The following CRPPA variants were observed in gnomAD, a reference collection of about 807,000 sequenced individuals.
CRPPA encodes the protein D-ribitol-5-phosphate cytidylyltransferase.
In CRPPA, 43 loss-of-function variants were observed where a neutral mutation model predicts 52.0. The ratio of observed to expected loss-of-function variants is 0.83; its 90% confidence interval spans 0.65 to 1.07. The LOEUF (loss-of-function observed/expected upper bound fraction) is 1.07, where lower values mean the gene tolerates loss of function less well. CRPPA is among the 50% of genes least tolerant of loss of function. The probability of loss-of-function intolerance (pLI) is 0.00; values close to 1 mark genes in which losing one functional copy is unlikely to be tolerated. For synonymous variants in CRPPA, 250 were observed against 203.5 expected (o/e 1.23, Z -1.94); for missense variants, 629 against 551.7 (o/e 1.14, Z -1.40).
chr7:16,089,444 C>T lies in CRPPA; in HGVS notation c.*2251G>A, dbSNP rs554576095. 1.5e-4 allele frequency: 48 copies of T among 331,026 alleles called. 2 individuals are homozygous for T. Among genetic ancestry groups the T allele is most frequent in the Middle Eastern group, 1.1e-3 (1 of 950 alleles). 20.5% of individuals were successfully genotyped at this position (331,026 alleles called of 1,614,324 possible). A position where few individuals can be genotyped will look rare whatever the true frequency, so the allele number is the denominator to read the frequency against. Reference sequence around the variant, plus strand: ...ACATACATATATGTGTATATATGTACGTGCATACATATATGTGTATATATG... The same window carrying T: ...ACATACATATATGTGTATATATGTATGTGCATACATATATGTGTATATATG... On this transcript the variant is annotated 3_prime_UTR_variant, in exon 10 of 10. Coordinates refer to ENST00000407010, the MANE Select transcript of CRPPA (RefSeq NM_001101426.4).
intron 2 of CRPPA, among the ~76,000 whole-genome samples, chr7:16,388,176 A>G (rs1014462983): frequency 6.6e-6 from 1 of 151,986 alleles, no homozygotes; most frequent in Admixed American, 6.6e-5. Context: ...GGGTTTCACT[A>G]TGTTGCCCAG....
chr7:16,159,917 T>C (rs1194257598), intron 9 of CRPPA, among the ~76,000 whole-genome samples: 1 of 152,124 alleles, frequency 6.6e-6, no homozygotes, highest in Non-Finnish European at 1.5e-5. Flanking sequence ...GTGGTTTTGA[T>C]TTGCATTTCT....
chr7:16,342,870 T>C (rs1778697017), intron 3 of CRPPA, among the ~76,000 whole-genome samples: 1 of 148,276 alleles, frequency 6.7e-6, no homozygotes, highest in Admixed American at 6.8e-5. Flanking sequence ...TATATAGAGA[T>C]ATATATACAG....
At chr7:16,223,862 T>C (rs1257462474) in intron 8 of CRPPA, among the ~76,000 whole-genome samples, 2 of 151,776 alleles carry the variant, frequency 1.3e-5, no homozygotes, top group South Asian at 2.1e-4. Flanking sequence ...GATTTGCTTA[T>C]AGATACACAT....
chr7:16,309,389 A>G (rs890924783), intron 3 of CRPPA, among the ~76,000 whole-genome samples: 3 of 152,164 alleles, frequency 2.0e-5, no homozygotes, highest in African/African-American at 7.2e-5. Flanking sequence ...TCTAACAAGC[A>G]GTTTGTAACA....
In CRPPA at chr7:16,093,460, T is replaced by C. The variant is rs76904736; in HGVS notation, c.1252-1661A>G. 1.8e-4 allele frequency among the ~76,000 whole-genome samples: 27 copies of C among 152,302 alleles called. No individual in the cohort carries two copies. The East Asian group carries it at 5.2e-3, about 29-fold the overall frequency. ...TGTCTGGGTTCCTCAGCTATGAGGA[T>C]GACGGTGAGAGGCCATCTCTGCTTA... On this transcript the variant is annotated intron_variant, in intron 9 of 9. Transcript: ENST00000407010.
At chr7:16,093,582 A>G (rs1781880231) in intron 9 of CRPPA, among the ~76,000 whole-genome samples, 1 of 152,132 alleles carries the variant, frequency 6.6e-6, no homozygotes, top group African/African-American at 2.4e-5. Flanking sequence ...CACTTCTTGA[A>G]AGCGGGTTTT....
At chr7:16,274,623 G>A (rs938961758) in intron 6 of CRPPA, among the ~76,000 whole-genome samples, 2 of 151,754 alleles carry the variant, frequency 1.3e-5, no homozygotes, top group Non-Finnish European at 2.9e-5. Context: ...TTGAGGAATG[G>A]TGATTTTCTT....
In CRPPA at chr7:16,249,137, C is replaced by T. The variant is rs148906957; in HGVS notation, c.1119+9253G>A. The stretch of plus-strand genomic sequence containing the variant: ...TCGAACTGGATGCAACCCACCAGAG[C>T]TCAGTGAGGCTGACCGCCTCTCTAG... On this transcript the variant is annotated intron_variant, in intron 8 of 9. Transcript: ENST00000407010. 2.6e-5 allele frequency among the ~76,000 whole-genome samples: 4 copies of T among 152,266 alleles called. No individual in the cohort carries two copies. The East Asian group carries it at 7.8e-4, about 30-fold the overall frequency.
chr7:16,386,941 A>G (rs1296247570), intron 2 of CRPPA, among the ~76,000 whole-genome samples: 1 of 151,376 alleles, frequency 6.6e-6, no homozygotes, highest in Non-Finnish European at 1.5e-5. Flanking sequence ...AATCACTTGA[A>G]CCCAGGAAGC....
intron 5 of CRPPA, among the ~76,000 whole-genome samples, chr7:16,295,763 C>A (rs1784658995): frequency 6.6e-6 from 1 of 152,086 alleles, no homozygotes; most frequent in South Asian, 2.1e-4. Flanking sequence ...GCATCTGTTA[C>A]CACTTTAATC....
chr7:16,138,425 A>G (rs1782801929), intron 9 of CRPPA, among the ~76,000 whole-genome samples: 1 of 152,172 alleles, frequency 6.6e-6, no homozygotes, highest in South Asian at 2.1e-4. Context: ...AAAACTGTAT[A>G]CCAAGAATAT....
rs1781818082 is a variant in CRPPA, at chr7:16,090,627, G to A, written c.*1068C>T. 2 of 152,072 alleles carry A rather than the reference G, an allele frequency of 1.3e-5. No individual in the cohort carries two copies. 9.4% of individuals were successfully genotyped at this position (152,072 alleles called of 1,614,324 possible). ...AATCCCAGCTACTCGGGAGGCTGAG[G>A]GAGGATAATTGCTTAAACCCAGGAG... On this transcript the variant is annotated 3_prime_UTR_variant, in exon 10 of 10. Transcript: ENST00000407010.
At chr7:16,177,893 C>G (rs568950234) in intron 9 of CRPPA, among the ~76,000 whole-genome samples, 1 of 152,028 alleles carries the variant, frequency 6.6e-6, no homozygotes, top group Non-Finnish European at 1.5e-5. Context: ...AATATAACCA[C>G]TGTGGTTCTT....
At chr7:16,234,243 C>T (rs947210473) in intron 8 of CRPPA, among the ~76,000 whole-genome samples, 1 of 151,932 alleles carries the variant, frequency 6.6e-6, no homozygotes, top group African/African-American at 2.4e-5. Flanking sequence ...AGTTTGAATA[C>T]CACTCCCCAA....
intron 9 of CRPPA, among the ~76,000 whole-genome samples, chr7:16,153,814 A>G (rs1189988903): frequency 1.3e-5 from 2 of 151,774 alleles, no homozygotes; most frequent in Non-Finnish European, 2.9e-5. Flanking sequence ...TTTTTTTTTC[A>G]TAAGCAGCAT....
intron 9 of CRPPA, among the ~76,000 whole-genome samples, chr7:16,204,093 T>G (rs932587122): frequency 9.2e-5 from 14 of 152,174 alleles, no homozygotes; most frequent in African/African-American, 3.1e-4. Flanking sequence ...TCATTAAAAA[T>G]TGTCACTCTA....
intron 9 of CRPPA, among the ~76,000 whole-genome samples, chr7:16,097,988 G>A (rs549990700): frequency 7.2e-5 from 11 of 152,188 alleles, no homozygotes; most frequent in Admixed American, 2.0e-4. Context: ...GGATAACTTC[G>A]GGAGAAACTA....
At chr7:16,159,262 C>A (rs1372553996) in intron 9 of CRPPA, among the ~76,000 whole-genome samples, 2 of 152,140 alleles carry the variant, frequency 1.3e-5, no homozygotes, top group Non-Finnish European at 2.9e-5. Flanking sequence ...ACTAAAAATA[C>A]ACAAATTAGC....
Sources: allele counts gnomAD v4.1 joint callset (sites outside exome capture counted in the v4.1 genomes callset), GRCh38; gene constraint gnomAD v4.1.1; transcripts MANE v1.5; gene names NCBI Gene and HGNC (gene_info 2026-07-23, HGNC 2026-07-21).